SPHKAP: variants seen among roughly 807,000 people sequenced by gnomAD.
SPHKAP encodes A-kinase anchor protein SPHKAP.
Under a neutral mutation model 137.5 loss-of-function variants are expected in SPHKAP, and 67 were observed. The observed-to-expected ratio is 0.49, with a 90% CI of 0.40 to 0.60. The LOEUF (loss-of-function observed/expected upper bound fraction) is 0.60. Among genes scored for constraint, SPHKAP ranks in the 20% least tolerant of loss-of-function variants. The pLI is 0.00. For missense variants in SPHKAP, 2,097 were observed against 2,069.3 expected, an observed-to-expected ratio of 1.01 and a Z score of -0.26; for synonymous variants, 813 against 785.3, an observed-to-expected ratio of 1.04 and a Z score of -0.59.
intron 3 of SPHKAP, among the ~76,000 whole-genome samples, chr2:228,067,499 C>T (rs568692151): frequency 1.3e-5 from 2 of 152,282 alleles, no homozygotes; most frequent in East Asian, 3.9e-4. Flanking sequence ...CTCCGGAGGG[C>T]TGAACCAGAA....
chr2:227,984,041 C>T (rs1693110801), intron 11 of SPHKAP, among the ~76,000 whole-genome samples: 1 of 152,112 alleles, frequency 6.6e-6, no homozygotes, highest in African/African-American at 2.4e-5. Flanking sequence ...TGGCTCACGC[C>T]TGTAATCCTG....
intron 7 of SPHKAP, among the ~76,000 whole-genome samples, chr2:228,000,533 G>A (rs539030042): frequency 8.6e-5 from 13 of 151,930 alleles, no homozygotes; most frequent in South Asian, 2.1e-4. Context: ...CAGGAGAATC[G>A]CTTGAACCCA....
intron 3 of SPHKAP, among the ~76,000 whole-genome samples, chr2:228,038,075 C>T (rs183711309): frequency 5.9e-5 from 9 of 152,270 alleles, no homozygotes; most frequent in Admixed American, 1.3e-4. Flanking sequence ...ATGAGGAGAT[C>T]GAATGTCTTC....
chr2:228,032,428 G>A (rs980170830), intron 3 of SPHKAP, among the ~76,000 whole-genome samples: 4 of 152,192 alleles, frequency 2.6e-5, no homozygotes, highest in Non-Finnish European at 5.9e-5. Flanking sequence ...AACTGACGGG[G>A]AGAATGGAAC....
intron 1 of SPHKAP, among the ~76,000 whole-genome samples, chr2:228,142,538 G>GT (rs993991406): frequency 3.3e-5 from 5 of 151,996 alleles, no homozygotes; most frequent in Admixed American, 6.6e-5. Flanking sequence ...ATAAGATCAT[G>GT]TTTTTTGTGA....
intron 3 of SPHKAP, among the ~76,000 whole-genome samples, chr2:228,091,598 G>T (rs982342403): frequency 1.3e-5 from 2 of 152,066 alleles, no homozygotes; most frequent in Admixed American, 1.3e-4. Context: ...CCATTGAAAA[G>T]TGTGCTAAGG....
intron 8 of SPHKAP, among the ~76,000 whole-genome samples, chr2:227,994,613 AG>A (rs756631574): frequency 1.3e-5 from 2 of 152,164 alleles, no homozygotes; most frequent in African/African-American, 4.8e-5. Context: ...TTAGCTTTTG[AG>A]GGGGGCACCA....
chr2:228,035,696 G>T (rs1161644573), intron 3 of SPHKAP, among the ~76,000 whole-genome samples: 1 of 152,070 alleles, frequency 6.6e-6, no homozygotes, highest in African/African-American at 2.4e-5. Flanking sequence ...ATAGATCAAT[G>T]GAACAGAACA....
chr2:228,016,337 G>T, intron 7 of SPHKAP, 69 bp downstream of exon 7: 5 of 1,477,502 alleles, frequency 3.4e-6, no homozygotes, highest in African/African-American at 1.4e-5. Context: ...CTAAAATTTA[G>T]ACTAAACACT....
At chr2:228,094,798 T>C (rs1383380304) in intron 3 of SPHKAP, among the ~76,000 whole-genome samples, 1 of 152,182 alleles carries the variant, frequency 6.6e-6, no homozygotes, top group Non-Finnish European at 1.5e-5. Flanking sequence ...CAGTTACTCA[T>C]ACCACGGTAA....
intron 2 of SPHKAP, among the ~76,000 whole-genome samples, chr2:228,109,917 C>G (rs567150964): frequency 2.3e-5 from 3 of 129,370 alleles, no homozygotes; most frequent in East Asian, 2.3e-4. Context: ...GAGATCACAC[C>G]ATTGCACTCC....
intron 3 of SPHKAP, among the ~76,000 whole-genome samples, chr2:228,066,501 T>G (rs1696832499): frequency 6.6e-6 from 1 of 152,178 alleles, no homozygotes; most frequent in South Asian, 2.1e-4. Flanking sequence ...TTAAAAAGGT[T>G]ATTCAATTAC....
At chr2:228,152,597 C>T (rs1222138116) in intron 1 of SPHKAP, among the ~76,000 whole-genome samples, 2 of 151,938 alleles carry the variant, frequency 1.3e-5, no homozygotes, top group African/African-American at 4.8e-5. Flanking sequence ...AATGTAACTG[C>T]TGATATATTT....
At chr2:228,131,391 G>T (rs1699244623) in intron 2 of SPHKAP, 1 of 771,374 alleles carries the variant, frequency 1.3e-6, no homozygotes, top group Non-Finnish European at 1.6e-6. Flanking sequence ...TCAAGTTTTG[G>T]GGCCTTAGAT....
chr2:228,033,382 G>A lies in SPHKAP; in HGVS notation c.247-5839C>T, dbSNP rs180958181. ...AGGAGCACCAAGATTCATAAAGCAA[G>A]TCCTTAGTGACCTACAAAGAAACTT... On this transcript the variant is annotated intron_variant, in intron 3 of 11. Coordinates refer to ENST00000392056, the MANE Select transcript of SPHKAP (RefSeq NM_001142644.2). Among the ~76,000 whole-genome samples, 1,423 of 152,260 alleles carry A rather than the reference G, an allele frequency of 9.3e-3. 32 individuals carry two copies. The highest frequency in any genetic ancestry group is 0.033 in the African/African-American group (1,352 of 41,546).
intron 3 of SPHKAP, among the ~76,000 whole-genome samples, chr2:228,076,315 T>G (rs1697183348): frequency 6.6e-6 from 1 of 152,168 alleles, no homozygotes; most frequent in Admixed American, 6.5e-5. Flanking sequence ...AAAAGATATC[T>G]GAGAATGTGG....
intron 7 of SPHKAP, among the ~76,000 whole-genome samples, chr2:228,000,554 G>T (rs1693816970): frequency 6.6e-6 from 1 of 151,984 alleles, no homozygotes; most frequent in Non-Finnish European, 1.5e-5. Flanking sequence ...TGAGGTGGAG[G>T]TTGCAGTGAG....
chr2:228,140,227 G>A (rs73098634), intron 1 of SPHKAP, among the ~76,000 whole-genome samples: 3,222 of 150,874 alleles, frequency 0.021, 109 homozygotes, highest in African/African-American at 0.074. Flanking sequence ...GATTACAGGT[G>A]TGAGCTACTG....
chr2:228,177,707 A>T (rs900180857), intron 1 of SPHKAP, among the ~76,000 whole-genome samples: 1 of 152,100 alleles, frequency 6.6e-6, no homozygotes, highest in African/African-American at 2.4e-5. Flanking sequence ...TAACATACTG[A>T]GGGGTAAAAT....
Sources: allele counts gnomAD v4.1 joint callset (sites outside exome capture counted in the v4.1 genomes callset), GRCh38; gene constraint gnomAD v4.1.1; transcripts MANE v1.5; gene names NCBI Gene and HGNC (gene_info 2026-07-23, HGNC 2026-07-21).